MAML2: variants seen among roughly 807,000 people sequenced by gnomAD.
The protein encoded by MAML2 is mastermind like transcriptional coactivator 2.
Under a neutral mutation model 96.1 loss-of-function variants are expected in MAML2, and 22 were observed. The observed-to-expected ratio is 0.23, with a 90% CI of 0.16 to 0.33. The LOEUF is 0.33. Ranked by LOEUF, MAML2 falls within the 10% of genes least tolerant of loss-of-function variation. The pLI, the probability that MAML2 is intolerant of heterozygous loss-of-function variation, is 1.00. For synonymous variants in MAML2, 561 were observed against 521.3 expected, an observed-to-expected ratio of 1.08 and a Z score of -1.04; for missense variants, 1,367 against 1,392.4, an observed-to-expected ratio of 0.98 and a Z score of 0.29.
chr11:96,013,353 T>A (rs1441202983), intron 2 of MAML2, among the ~76,000 whole-genome samples: 1 of 152,214 alleles, frequency 6.6e-6, no homozygotes, highest in Non-Finnish European at 1.5e-5. Flanking sequence ...AGATTATAAC[T>A]AGTCCATCTA....
intron 1 of MAML2, among the ~76,000 whole-genome samples, chr11:96,117,173 A>G (rs1469127620): frequency 1.3e-5 from 2 of 152,144 alleles, no homozygotes; most frequent in Admixed American, 6.5e-5. Context: ...TAAAAAAAAT[A>G]TGGAAGTCAA....
At position 95,996,150 on chromosome 11, in the gene MAML2, T is replaced by C. The variant is rs1162082634; in HGVS notation, c.2140-4427A>G. On this transcript the variant is annotated intron_variant, in intron 2 of 4. Transcript: ENST00000524717. ...GAATCCATCAATCCATTAATGCATT[T>C]GACAAAGTATACTGAATGTCTACTC... Among the ~76,000 whole-genome samples the C allele has an allele frequency of 1.3e-5, 2 of 152,188 alleles. 1 individual carries two copies. Among genetic ancestry groups the C allele is most frequent in the South Asian group, 4.1e-4 (2 of 4,830 alleles).
intron 2 of MAML2, among the ~76,000 whole-genome samples, chr11:96,067,007 G>A (rs961950541): frequency 6.6e-6 from 1 of 152,158 alleles, no homozygotes; most frequent in Admixed American, 6.5e-5. Context: ...GTGTGCACAC[G>A]CATGCATGAT....
intron 1 of MAML2, among the ~76,000 whole-genome samples, chr11:96,166,415 T>A (rs1330400602): frequency 6.6e-6 from 1 of 152,222 alleles, no homozygotes; most frequent in Non-Finnish European, 1.5e-5. Context: ...AGTTTTCTTA[T>A]TGTTTCCTTA....
intron 1 of MAML2, among the ~76,000 whole-genome samples, chr11:96,306,522 C>A (rs1160569947): frequency 2.0e-5 from 3 of 152,178 alleles, no homozygotes; most frequent in Non-Finnish European, 4.4e-5. Flanking sequence ...TTTCATAAAA[C>A]CTCAAAGAAA....
chr11:96,074,536 A>C (rs1859403547), intron 2 of MAML2, among the ~76,000 whole-genome samples: 1 of 152,224 alleles, frequency 6.6e-6, no homozygotes, highest in African/African-American at 2.4e-5. Context: ...AATATGGAGG[A>C]AAGATCCATG....
intron 2 of MAML2, among the ~76,000 whole-genome samples, chr11:96,029,490 G>A (rs1035968991): frequency 2.0e-5 from 3 of 152,086 alleles, no homozygotes; most frequent in Non-Finnish European, 4.4e-5. Flanking sequence ...TTCTAAAGCT[G>A]GAGTCATAAT....
chr11:96,034,254 A>G (rs1858663884), intron 2 of MAML2, among the ~76,000 whole-genome samples: 1 of 152,200 alleles, frequency 6.6e-6, no homozygotes. Flanking sequence ...TAATAACATA[A>G]TGATCACTCA....
At chr11:96,121,755 T>C (rs1860344428) in intron 1 of MAML2, among the ~76,000 whole-genome samples, 1 of 147,250 alleles carries the variant, frequency 6.8e-6, no homozygotes, top group Non-Finnish European at 1.5e-5. Context: ...TAATTTTGTG[T>C]CCATTCCATA....
At chr11:96,318,173 T>G (rs917829191) in intron 1 of MAML2, among the ~76,000 whole-genome samples, 1 of 152,200 alleles carries the variant, frequency 6.6e-6, no homozygotes, top group East Asian at 1.9e-4. Context: ...GCAGTGTCTA[T>G]GTACCAGATC....
rs753500654 is a variant in MAML2 at position 96,092,540 on chromosome 11, C to T, written c.1491G>A (p.Met497Ile). The T allele has an allele frequency of 6.3e-7, 1 of 1,598,978 alleles. No individual in the cohort carries two copies. The highest frequency in any genetic ancestry group is 2.2e-5 in the East Asian group (1 of 44,620). ...GGCCGCTGCCGCCAGCTACCCCAGG[C>T]ATGGGGGAGCTCTGTGGGCTGAATG... is the stretch of plus-strand genomic sequence containing the variant. ...QQTFSPQSSPMPGVAGGSGQS... is the reference protein window; with the variant it reads ...QQTFSPQSSPIPGVAGGSGQS... Residue 497 changes from methionine (M) to isoleucine (I), a missense_variant, in exon 2 of 5, where the codon ATG becomes ATA. Physicochemically the swap from Met to Ile is conservative, Grantham distance 10 (BLOSUM62 1). Coordinates refer to ENST00000524717, the MANE Select transcript of MAML2 (RefSeq NM_032427.4). This position sits in a 1 kb window ranked among gnomAD's most constrained non-coding sequence, Gnocchi z 4.1.
intron 1 of MAML2, among the ~76,000 whole-genome samples, chr11:96,216,809 C>T (rs544600600): frequency 6.6e-6 from 1 of 152,248 alleles, no homozygotes; most frequent in East Asian, 1.9e-4. Flanking sequence ...TGGAGCAACA[C>T]GGTGCAGGGG....
chr11:95,991,850 T>G (rs1857919352), intron 2 of MAML2, 127 bp from the exon 3 acceptor site: 1 of 713,074 alleles, frequency 1.4e-6, no homozygotes, highest in African/African-American at 1.8e-5. Context: ...GTTAAATGGG[T>G]TGGAGATCAG....
intron 1 of MAML2, among the ~76,000 whole-genome samples, chr11:96,302,033 T>C (rs147921821): frequency 5.4e-4 from 82 of 152,336 alleles, no homozygotes; most frequent in African/African-American, 2.0e-3. Flanking sequence ...CAAAATACAG[T>C]CTCATGCCAC....
chr11:96,254,522 G>T (rs186025419), intron 1 of MAML2, among the ~76,000 whole-genome samples: 1 of 150,740 alleles, frequency 6.6e-6, no homozygotes, highest in Non-Finnish European at 1.5e-5. Context: ...CAGCCAAATA[G>T]GTTTGAAAAT....
At chr11:96,201,315 G>C (rs767155515) in intron 1 of MAML2, among the ~76,000 whole-genome samples, 1 of 152,128 alleles carries the variant, frequency 6.6e-6, no homozygotes, top group Non-Finnish European at 1.5e-5. Flanking sequence ...AAGAAGAGAA[G>C]GATGTTTAAT....
chr11:96,046,070 C>CTG (rs1858896092), intron 2 of MAML2, among the ~76,000 whole-genome samples: 1 of 152,140 alleles, frequency 6.6e-6, no homozygotes, highest in Non-Finnish European at 1.5e-5. Context: ...TCCTGCCATG[C>CTG]CAGCAGGCAG....
rs1293099630 is a variant in MAML2, at chr11:95,976,731, A to G, written c.*2217T>C. ...TTAAATTTGATAACTACTACAAAAC[A>G]TACTATTTATGTTAGGGTAAAAATA... On this transcript the variant is annotated 3_prime_UTR_variant, in exon 5 of 5. Transcript: ENST00000524717. 5.5e-6 allele frequency: 1 copy of G among 181,562 alleles called. No homozygotes were observed. Among genetic ancestry groups the G allele is most frequent in the Non-Finnish European group, 1.2e-5 (1 of 85,154 alleles). 11.2% of individuals were successfully genotyped at this position (181,562 alleles called of 1,614,324 possible).
chr11:96,260,539 G>A (rs1426052278), intron 1 of MAML2, among the ~76,000 whole-genome samples: 1 of 152,154 alleles, frequency 6.6e-6, no homozygotes, highest in African/African-American at 2.4e-5. Context: ...CAGCTTTTCT[G>A]ATAAGAGGAA....
Sources: gnomAD v4.1 joint callset for allele counts (sites outside exome capture counted in the v4.1 genomes callset) on GRCh38, gnomAD v4.1.1 for gene constraint, Gnocchi (gnomAD v3.1) non-coding constraint, MANE v1.5 for transcripts, NCBI Gene and HGNC (gene_info 2026-07-23, HGNC 2026-07-21) for gene names.